OPCML: variants seen among roughly 807,000 people sequenced by gnomAD.
OPCML encodes opioid-binding protein/cell adhesion molecule.
In OPCML, 13 loss-of-function variants were observed where a neutral mutation model predicts 37.8. The ratio of observed to expected loss-of-function variants is 0.34; its 90% CI spans 0.22 to 0.55. OPCML has a LOEUF of 0.55. OPCML is among the 20% of genes least tolerant of loss of function. OPCML has a pLI of 0.91. For missense variants in OPCML, 341 were observed against 435.6 expected (o/e 0.78, Z 1.93); for synonymous variants, 176 against 168.8 (o/e 1.04, Z -0.33).
At chr11:132,806,051 G>T (rs1454115965) in intron 2 of OPCML, among the ~76,000 whole-genome samples, 1 of 152,020 alleles carries the variant, frequency 6.6e-6, no homozygotes, top group Admixed American at 6.6e-5. Flanking sequence ...AAATGTGAAG[G>T]AGAAGGTTAC....
chr11:133,067,997 T>C (rs895172110), intron 1 of OPCML: 2 of 152,278 alleles, frequency 1.3e-5, no homozygotes, highest in Non-Finnish European at 1.5e-5. Flanking sequence ...ATACTTGAAG[T>C]ATTTTCATGT....
intron 7 of OPCML, among the ~76,000 whole-genome samples, chr11:132,422,150 A>G (rs972503227): frequency 6.6e-6 from 1 of 151,902 alleles, no homozygotes; most frequent in African/African-American, 2.4e-5. Flanking sequence ...TCTTTGTCTA[A>G]TTATTATTTT....
chr11:132,612,880 G>A (rs936398230), intron 3 of OPCML, among the ~76,000 whole-genome samples: 1 of 152,100 alleles, frequency 6.6e-6, no homozygotes, highest in Non-Finnish European at 1.5e-5. Context: ...GCCCCAGAGA[G>A]CCATAAATGC....
chr11:132,601,054 A>G (rs1937850714), intron 3 of OPCML, among the ~76,000 whole-genome samples: 1 of 152,124 alleles, frequency 6.6e-6, no homozygotes. Context: ...ATACAAATTA[A>G]ATAATTTGAG....
intron 1 of OPCML, among the ~76,000 whole-genome samples, chr11:133,310,353 T>C (rs1185687835): frequency 6.6e-6 from 1 of 152,196 alleles, no homozygotes; most frequent in Non-Finnish European, 1.5e-5. Context: ...AGTCTCTCTC[T>C]ATGCATATTT....
At chr11:133,320,255 T>C (rs536097566) in intron 1 of OPCML, among the ~76,000 whole-genome samples, 1 of 152,372 alleles carries the variant, frequency 6.6e-6, no homozygotes, top group South Asian at 2.1e-4. Context: ...ACAGAATTTG[T>C]ACTATTTCCT....
At chr11:132,877,597 A>G (rs1335578378) in intron 2 of OPCML, among the ~76,000 whole-genome samples, 1 of 152,162 alleles carries the variant, frequency 6.6e-6, no homozygotes, top group African/African-American at 2.4e-5. Context: ...GGACCCTCAG[A>G]TCCCTCTGGA....
chr11:133,469,124 T>G (rs930076482), intron 1 of OPCML, among the ~76,000 whole-genome samples: 1 of 152,202 alleles, frequency 6.6e-6, no homozygotes, highest in African/African-American at 2.4e-5. Context: ...AGATAAGTGT[T>G]ACTTCTCTCA....
chr11:133,498,985 T>G (rs1400188740), intron 1 of OPCML, among the ~76,000 whole-genome samples: 1 of 152,102 alleles, frequency 6.6e-6, no homozygotes, highest in Non-Finnish European at 1.5e-5. Context: ...GCACATGAGG[T>G]TCTCCTACAT....
intron 1 of OPCML, chr11:133,117,901 T>C (rs73594474): frequency 0.058 from 57,109 of 984,902 alleles, 1,857 homozygotes; most frequent in African/African-American, 0.12. Context: ...AATGAAGTCT[T>C]CAAATAATAT....
intron 2 of OPCML, among the ~76,000 whole-genome samples, chr11:132,920,936 C>A (rs61906936): frequency 1.3e-5 from 2 of 152,094 alleles, no homozygotes; most frequent in East Asian, 3.9e-4. Flanking sequence ...CAGCCAGTCC[C>A]TTCCTGCACT....
At chr11:132,950,874 G>A (rs1224410281) in intron 1 of OPCML, among the ~76,000 whole-genome samples, 3 of 152,278 alleles carry the variant, frequency 2.0e-5, no homozygotes, top group Admixed American at 2.0e-4. Flanking sequence ...GTTTGGAGAT[G>A]AGGCCATGAA....
rs184307599 is a variant in OPCML at position 132,694,507 on chromosome 11, C to T, written c.147-37188G>A. On this transcript the variant is annotated intron_variant, in intron 2 of 7. Transcript: ENST00000524381. ...CCACCGTGCCTGGCCAAGTCAATGT[C>T]TTTCTCTATAAATGTTTGATGAGTG... 3.8e-3 allele frequency among the ~76,000 whole-genome samples: 578 copies of T among 152,166 alleles called. 13 individuals are homozygous for T. Among genetic ancestry groups the T allele is most frequent in the Non-Finnish European group, 5.9e-4 (40 of 68,004 alleles).
At chr11:133,271,128 A>T (rs890040613) in intron 1 of OPCML, among the ~76,000 whole-genome samples, 2 of 152,210 alleles carry the variant, frequency 1.3e-5, no homozygotes, top group African/African-American at 4.8e-5. Flanking sequence ...ACTTCTAATG[A>T]GTTGTATACC....
At chr11:133,418,312 A>G (rs1945811498) in intron 1 of OPCML, 1 of 985,286 alleles carries the variant, frequency 1.0e-6, no homozygotes, top group African/African-American at 1.7e-5. Flanking sequence ...TCATCCAGTC[A>G]TAATGCAGAC....
At chr11:132,759,065 G>T (rs897623226) in intron 2 of OPCML, among the ~76,000 whole-genome samples, 4 of 152,174 alleles carry the variant, frequency 2.6e-5, no homozygotes, top group African/African-American at 9.6e-5. Context: ...TAATCATGTG[G>T]TTTTGTCATT....
intron 2 of OPCML, among the ~76,000 whole-genome samples, chr11:132,822,070 G>T (rs908256790): frequency 1.3e-5 from 2 of 152,126 alleles, no homozygotes; most frequent in Non-Finnish European, 2.9e-5. Flanking sequence ...GCCTTCCCTT[G>T]CTTACTTTCT....
In OPCML at chr11:132,881,249, G is replaced by A. The variant is rs968815672; in HGVS notation, c.146+61677C>T. Among the ~76,000 whole-genome samples the A allele has an allele frequency of 2.0e-5, 3 of 152,250 alleles. 1 individual carries two copies. The highest frequency in any genetic ancestry group is 2.0e-4 in the Admixed American group (3 of 15,290). On this transcript the variant is annotated intron_variant, in intron 2 of 7. Transcript: ENST00000524381. ...ACACTGGGTGAGGGAATGAAGATCT[G>A]TATCACAAATTCAGTTTCCAGAAGC...
intron 3 of OPCML, among the ~76,000 whole-genome samples, chr11:132,545,614 T>A (rs1429291576): frequency 6.6e-6 from 1 of 152,242 alleles, no homozygotes; most frequent in African/African-American, 2.4e-5. Context: ...TCCTACAGAT[T>A]TGTATAACTT....
Sources: allele counts gnomAD v4.1 joint callset (sites outside exome capture counted in the v4.1 genomes callset), GRCh38; gene constraint gnomAD v4.1.1; transcripts MANE v1.5; gene names NCBI Gene and HGNC (gene_info 2026-07-23, HGNC 2026-07-21).